The following EIF4ENIF1 variants were observed in gnomAD, a reference collection of about 807,000 sequenced individuals.
The protein encoded by EIF4ENIF1 is eukaryotic translation initiation factor 4E transporter.
EIF4ENIF1 carries 23 observed loss-of-function variants against 110.5 expected under a neutral mutation model. That is an observed-to-expected ratio of 0.21 (90% CI 0.15 to 0.29). The LOEUF is 0.29. EIF4ENIF1 is among the 10% of genes least tolerant of loss of function. EIF4ENIF1 has a pLI of 1.00. For missense variants in EIF4ENIF1, 1,031 were observed against 1,221.1 expected (o/e 0.84, Z 2.32); for synonymous variants, 440 against 437.0 (o/e 1.01, Z -0.09).
rs201962662 is a variant in EIF4ENIF1, at chr22:31,439,852, C to T, written c.*28G>A. 1.0e-4 allele frequency: 160 copies of T among 1,607,488 alleles called. No individual in the cohort carries two copies. The highest frequency in any genetic ancestry group is 6.7e-5 in the East Asian group (3 of 44,900). ...CCTGCCCAGTGTGCCACCACAGGTC[C>T]GGGCTTAGTTGAGTCTGCCTGCCCT... On this transcript the variant is annotated 3_prime_UTR_variant, in exon 19 of 19. Transcript: ENST00000330125.
intron 14 of EIF4ENIF1, among the ~76,000 whole-genome samples, chr22:31,445,953 G>C (rs1177940552): frequency 1.5e-3 from 150 of 97,352 alleles, no homozygotes; most frequent in East Asian, 3.9e-3. Context: ...GTTACGTACC[G>C]CCCCCCCCCC....
chr22:31,456,377 C>A (rs1244802531), intron 7 of EIF4ENIF1, among the ~76,000 whole-genome samples: 6 of 152,046 alleles, frequency 3.9e-5, no homozygotes, highest in East Asian at 1.9e-4. Context: ...GCGCCTGCCA[C>A]CACGCCCGGC....
At chr22:31,480,421 T>C (rs997867588) in intron 2 of EIF4ENIF1, among the ~76,000 whole-genome samples, 14 of 152,198 alleles carry the variant, frequency 9.2e-5, no homozygotes, top group African/African-American at 2.7e-4. Flanking sequence ...TGACATTATG[T>C]AGAATTTCAC....
intron 12 of EIF4ENIF1, 107 bp downstream of exon 12, chr22:31,449,241 C>T (rs1345855976): frequency 1.7e-6 from 2 of 1,181,432 alleles, no homozygotes; most frequent in African/African-American, 1.5e-5. Context: ...AACTTCTGAC[C>T]TCAGGTGATC....
chr22:31,437,076 C>T, downstream of EIF4ENIF1: 1 of 152,218 alleles, frequency 6.6e-6, no homozygotes, highest in African/African-American at 2.4e-5. Context: ...TAGCTATCTC[C>T]TAGGGGAAGG....
chr22:31,491,626 A>G (rs1471200366), upstream of EIF4ENIF1, among the ~76,000 whole-genome samples: 3 of 152,186 alleles, frequency 2.0e-5, no homozygotes, highest in Non-Finnish European at 2.9e-5. Context: ...CTGGAAAGCA[A>G]TGGCACAATC....
At chr22:31,492,513 T>G (rs2052293955), upstream of EIF4ENIF1, among the ~76,000 whole-genome samples, 2 of 152,190 alleles carry the variant, frequency 1.3e-5, no homozygotes, top group Non-Finnish European at 2.9e-5. Flanking sequence ...TTTAATGTCT[T>G]GTAGAACTTT....
Position 31,444,629 on chromosome 22 carries a change from G to A in EIF4ENIF1, c.2050C>T (p.Pro684Ser), listed in dbSNP as rs1178319676. The A allele has an allele frequency of 1.9e-6, 3 of 1,614,084 alleles. No individual in the cohort carries two copies. In the South Asian group the frequency reaches 3.3e-5, roughly 18 times the overall value. ...VHRGNSSSPA[P>S]AASITSMLSP... ...ACCATGCTTGTGATGGAGGCAGCAGGGGCAGGGGAAGAGGAATTCCCTCGA... is the reference window on the plus strand; with the variant it reads ...ACCATGCTTGTGATGGAGGCAGCAGAGGCAGGGGAAGAGGAATTCCCTCGA... The change falls in exon 15 of 19, where the codon CCT becomes TCT. Residue 684 changes from proline (P) to serine (S), a missense_variant. Pro to Ser is a moderately conservative substitution (Grantham distance 74). This residue lies in a region of EIF4ENIF1 where 704 missense variants were observed against 879.7 expected (regional missense o/e 0.80). Transcript: ENST00000330125.
intron 3 of EIF4ENIF1, among the ~76,000 whole-genome samples, chr22:31,470,089 G>C (rs1278196118): frequency 2.7e-5 from 4 of 150,052 alleles, no homozygotes; most frequent in African/African-American, 9.8e-5. Flanking sequence ...GCTTGAACCC[G>C]GGAGGGGAAG....
At position 31,449,361 on chromosome 22, in the gene EIF4ENIF1, T is replaced by G; in HGVS notation, c.1755A>C (p.Ile585=). The change falls in exon 12 of 19, where the codon ATA becomes ATC. Residue 585 remains isoleucine, a synonymous_variant. Coordinates refer to ENST00000330125, the MANE Select transcript of EIF4ENIF1 (RefSeq NM_019843.4). ...AASADYLRPR[I]PSPIGFTPGP... is the part of the protein sequence containing the mutation. ...AAGTATATTTACCAATTGGTGATGGTATTCTTGGGCGAAGGTAGTCAGCTG... is the reference window on the plus strand; with the variant it reads ...AAGTATATTTACCAATTGGTGATGGGATTCTTGGGCGAAGGTAGTCAGCTG... 6.2e-7 allele frequency: 1 copy of G among 1,613,574 alleles called. No homozygotes were observed. Among genetic ancestry groups the G allele is most frequent in the Non-Finnish European group, 8.5e-7 (1 of 1,179,874 alleles).
intron 14 of EIF4ENIF1, among the ~76,000 whole-genome samples, 169 bp from the exon 15 acceptor site, chr22:31,444,859 G>A (rs2050413466): frequency 6.6e-6 from 1 of 152,174 alleles, no homozygotes; most frequent in South Asian, 2.1e-4. Context: ...GCTAAGCTCT[G>A]AGGGAAGACA....
chr22:31,488,437 C>T (rs1052027004), intron 2 of EIF4ENIF1, among the ~76,000 whole-genome samples, 186 bp downstream of exon 2: 1 of 152,156 alleles, frequency 6.6e-6, no homozygotes, highest in Non-Finnish European at 1.5e-5. Flanking sequence ...CAAATTCCAG[C>T]TTAAACGCTG....
At chr22:31,449,191 G>A (rs2050571582) in intron 12 of EIF4ENIF1, among the ~76,000 whole-genome samples, 157 bp downstream of exon 12, 1 of 152,120 alleles carries the variant, frequency 6.6e-6, no homozygotes. Context: ...TGTATTTTTA[G>A]TAGAGATGGG....
At position 31,449,549 on chromosome 22, in the gene EIF4ENIF1, A is replaced by C; in HGVS notation, c.1585-18T>G. The C allele has an allele frequency of 6.2e-7, 1 of 1,605,634 alleles. No homozygotes were observed. The highest frequency in any genetic ancestry group is 8.5e-7 in the Non-Finnish European group (1 of 1,177,046). Reference sequence around the variant, plus strand: ...AGAAGTTCCTAAAGGCAGAAAAGCCAAATCCCTGTGAACTTAGTTATTCCT... The same window carrying C: ...AGAAGTTCCTAAAGGCAGAAAAGCCCAATCCCTGTGAACTTAGTTATTCCT... On this transcript the variant is annotated intron_variant, in intron 11 of 18. Transcript: ENST00000330125.
At chr22:31,490,542 A>G (rs2052240742), upstream of EIF4ENIF1, among the ~76,000 whole-genome samples, 1 of 152,226 alleles carries the variant, frequency 6.6e-6, no homozygotes, top group South Asian at 2.1e-4. Flanking sequence ...CGACTAACAA[A>G]TTCATTGAAA....
At chr22:31,475,796 G>A (rs1427109166) in intron 2 of EIF4ENIF1, among the ~76,000 whole-genome samples, 1 of 151,582 alleles carries the variant, frequency 6.6e-6, no homozygotes, top group Non-Finnish European at 1.5e-5. Flanking sequence ...GGTCACTTGA[G>A]GTCAAGGCTG....
chr22:31,482,421 C>T (rs1394621762), intron 2 of EIF4ENIF1, among the ~76,000 whole-genome samples: 2 of 152,106 alleles, frequency 1.3e-5, no homozygotes, highest in Non-Finnish European at 2.9e-5. Flanking sequence ...GTAGCTCACG[C>T]CTGTAATCCC....
At chr22:31,461,849 C>T (rs895832897) in intron 6 of EIF4ENIF1, 5 of 152,174 alleles carry the variant, frequency 3.3e-5, no homozygotes, top group Admixed American at 2.6e-4. Flanking sequence ...CTTGACTTCA[C>T]TACTTATTTC....
chr22:31,457,057 A>G (rs1010460183), intron 7 of EIF4ENIF1, among the ~76,000 whole-genome samples: 1 of 152,194 alleles, frequency 6.6e-6, no homozygotes, highest in Non-Finnish European at 1.5e-5. Flanking sequence ...ATGAAATTCA[A>G]TCTTGAGAGT....
Sources: allele counts gnomAD v4.1 joint callset (sites outside exome capture counted in the v4.1 genomes callset), GRCh38; gene constraint gnomAD v4.1.1; regional missense constraint gnomAD v4.1.1; transcripts MANE v1.5; gene names NCBI Gene and HGNC (gene_info 2026-07-23, HGNC 2026-07-21).